Variants in ELFN1 observed in about 807,000 individuals in gnomAD.
The protein encoded by ELFN1 is protein ELFN1.
Under a neutral mutation model 7.6 loss-of-function variants are expected in ELFN1, and 6 were observed. The observed-to-expected ratio is 0.79, with a 90% CI of 0.43 to 1.56. The LOEUF is 1.56. Among genes scored for constraint, ELFN1 ranks in the 40% most tolerant of loss-of-function variants. The probability of loss-of-function intolerance (pLI) is 0.01; values close to 1 mark genes in which losing one functional copy is unlikely to be tolerated. For missense variants in ELFN1, 1,169 were observed against 1,232.2 expected (o/e 0.95, Z 0.77); for synonymous variants, 657 against 588.1 (o/e 1.12, Z -1.70).
intron 3 of ELFN1, among the ~76,000 whole-genome samples, chr7:1,721,775 A>G (rs940375473): frequency 3.9e-5 from 6 of 152,176 alleles, no homozygotes; most frequent in African/African-American, 1.2e-4. Flanking sequence ...TTTGAAGCCA[A>G]TCAGTACCCC....
intron 1 of ELFN1, among the ~76,000 whole-genome samples, chr7:1,671,989 GT>G (rs200010449): frequency 0.022 from 3,323 of 152,302 alleles, 48 homozygotes; most frequent in Non-Finnish European, 0.033. Context: ...AGACCTGGGG[GT>G]CTCCAAGTCA....
At position 1,745,727 on chromosome 7, in the gene ELFN1, C is replaced by T. The variant is rs1431452712; in HGVS notation, c.1131C>T (p.Tyr377=). 1.3e-6 allele frequency: 2 copies of T among 1,551,484 alleles called. No homozygotes were observed. The highest frequency in any genetic ancestry group is 2.4e-5 in the South Asian group (2 of 84,066). Residue 377 remains tyrosine, a synonymous_variant, in exon 4 of 4, where the codon TAC becomes TAT. Transcript: ENST00000424383. ...RLTNLFTLTN[Y]TYCVVSTSAG... is the part of the protein sequence containing the mutation. ...CCAACCTGTTCACGCTCACCAACTA[C>T]ACCTACTGCGTGGTGTCCACCAGCG...
At chr7:1,700,343 C>G (rs959097022) in intron 2 of ELFN1, among the ~76,000 whole-genome samples, 1 of 152,222 alleles carries the variant, frequency 6.6e-6, no homozygotes, top group Non-Finnish European at 1.5e-5. Context: ...GCTTCTGGCG[C>G]TTTCTTTCCC....
intron 2 of ELFN1, among the ~76,000 whole-genome samples, chr7:1,697,104 C>A (rs1009831793): frequency 1.3e-5 from 2 of 152,162 alleles, no homozygotes; most frequent in East Asian, 3.9e-4. Context: ...ATCTGGGCTT[C>A]GCGGCAGGGG....
chr7:1,697,964 GC>G (rs973726748), intron 2 of ELFN1, among the ~76,000 whole-genome samples: 1 of 152,202 alleles, frequency 6.6e-6, no homozygotes, highest in African/African-American at 2.4e-5. Context: ...CCAGGCCTGG[GC>G]TTCCCGCAGA....
chr7:1,669,278 C>A (rs971838151), upstream of ELFN1, among the ~76,000 whole-genome samples: 5 of 150,692 alleles, frequency 3.3e-5, no homozygotes, highest in Non-Finnish European at 7.4e-5. Flanking sequence ...CAGCTGCTGG[C>A]GGCGAGCGGA....
At chr7:1,675,043 C>G (rs534241458) in intron 1 of ELFN1, among the ~76,000 whole-genome samples, 2 of 152,354 alleles carry the variant, frequency 1.3e-5, no homozygotes, top group East Asian at 3.9e-4. Flanking sequence ...CACCTCATAT[C>G]CGGGCTCAGC....
chr7:1,740,812 A>C lies in ELFN1; in HGVS notation c.-293-3492A>C, dbSNP rs1324275668. Reference sequence around the variant, plus strand: ...GTCTGTGCCTCAGTTTCCCCGCTGTAAAGTGAGCTGCAGAATGAAAACTTC... The same window carrying C: ...GTCTGTGCCTCAGTTTCCCCGCTGTCAAGTGAGCTGCAGAATGAAAACTTC... On this transcript the variant is annotated intron_variant, in intron 3 of 3. Transcript: ENST00000424383. This position sits in a 1 kb window ranked among gnomAD's most constrained non-coding sequence, Gnocchi z 5.0. Among the ~76,000 whole-genome samples, 1 of 152,184 alleles carries C rather than the reference A, an allele frequency of 6.6e-6. No homozygotes were observed. The highest frequency in any genetic ancestry group is 1.5e-5 in the Non-Finnish European group (1 of 68,026).
At chr7:1,732,382 C>T (rs930309761) in intron 3 of ELFN1, among the ~76,000 whole-genome samples, 9 of 152,262 alleles carry the variant, frequency 5.9e-5, no homozygotes, top group South Asian at 2.1e-4. Flanking sequence ...TTAAGAAGTG[C>T]GGACTCTCTC....
chr7:1,732,330 TGA>T lies in ELFN1; in HGVS notation c.-293-11969_-293-11968del, dbSNP rs574175057. Among the ~76,000 whole-genome samples, 42 of 152,224 alleles carry T rather than the reference TGA, an allele frequency of 2.8e-4. No homozygotes were observed. The East Asian group carries it at 8.1e-3, about 29-fold the overall frequency. Reference sequence around the variant, plus strand: ...CAGCCTCAAATGGCAAAATGAGAGCTGAGAGACAGCAAGGACCCTCACTGATG... The same window carrying T: ...CAGCCTCAAATGGCAAAATGAGAGCTGAGACAGCAAGGACCCTCACTGATG... On this transcript the variant is annotated intron_variant, in intron 3 of 3. Transcript: ENST00000424383.
chr7:1,741,526 C>T (rs1780613614), intron 3 of ELFN1, among the ~76,000 whole-genome samples: 1 of 152,118 alleles, frequency 6.6e-6, no homozygotes, highest in Non-Finnish European at 1.5e-5. Context: ...TTCCCAGCAC[C>T]ACTCCCAAGG....
At chr7:1,702,162 C>T (rs954504694) in intron 2 of ELFN1, among the ~76,000 whole-genome samples, 34 of 151,864 alleles carry the variant, frequency 2.2e-4, no homozygotes, top group African/African-American at 7.3e-4. Context: ...CAGTGGCTCA[C>T]GCTTGTAATC....
rs1196811330 is a variant in ELFN1, at chr7:1,712,588, T to C, written c.-294+3336T>C. On this transcript the variant is annotated intron_variant, in intron 3 of 3. Coordinates refer to ENST00000424383, the MANE Select transcript of ELFN1 (RefSeq NM_001128636.4). ...CTGGGATTACAGGCACCTGCTGCCATGCCCGGCTAATTTTTGTATTTTCAG... is the reference window on the plus strand; with the variant it reads ...CTGGGATTACAGGCACCTGCTGCCACGCCCGGCTAATTTTTGTATTTTCAG... Among the ~76,000 whole-genome samples, 8 of 151,958 alleles carry C rather than the reference T, an allele frequency of 5.3e-5. No individual in the cohort carries two copies. The South Asian group carries it at 1.7e-3, about 32-fold the overall frequency.
chr7:1,666,642 G>A (rs1170987250), upstream of ELFN1, among the ~76,000 whole-genome samples: 3 of 152,102 alleles, frequency 2.0e-5, no homozygotes, highest in Admixed American at 6.5e-5. The surrounding 1 kb of genome is among the most constrained non-coding windows in gnomAD (Gnocchi z 7.9). Flanking sequence ...AGAAAGAGGG[G>A]GAGGGGGCTG....
chr7:1,702,623 A>C (rs908451772), intron 2 of ELFN1, among the ~76,000 whole-genome samples: 1 of 151,162 alleles, frequency 6.6e-6, no homozygotes, highest in Admixed American at 6.6e-5. Flanking sequence ...ATGTTTCATA[A>C]ATATTCATTT....
chr7:1,668,150 G>A (rs1344171505), upstream of ELFN1, among the ~76,000 whole-genome samples: 1 of 152,270 alleles, frequency 6.6e-6, no homozygotes, highest in Non-Finnish European at 1.5e-5. Context: ...TGACCTCTGA[G>A]GTTCTCCGTG....
chr7:1,726,473 C>T (rs771390885), intron 3 of ELFN1, among the ~76,000 whole-genome samples: 2 of 152,258 alleles, frequency 1.3e-5, no homozygotes, highest in Non-Finnish European at 2.9e-5. Flanking sequence ...AGTCCCTCCC[C>T]AAGGCCAAGC....
chr7:1,747,064 C>T lies in ELFN1; in HGVS notation c.2468C>T (p.Ser823Leu), dbSNP rs1388404927. 6.6e-6 allele frequency: 10 copies of T among 1,512,004 alleles called. No homozygotes were observed. Among genetic ancestry groups the T allele is most frequent in the Non-Finnish European group, 8.9e-6 (10 of 1,123,528 alleles). 93.7% of individuals were successfully genotyped at this position (1,512,004 alleles called of 1,614,324 possible). The change falls in exon 4 of 4, where the codon TCG (serine) becomes TTG (leucine). Residue 823 changes from serine (S) to leucine (L), a missense_variant. Transcript: ENST00000424383. Reference sequence around the variant, plus strand: ...ATCCTGGACTACTGGAAGGGCGTGTCGGCCCAGCACAAGTCCTGAGCCCCC... The same window carrying T: ...ATCCTGGACTACTGGAAGGGCGTGTTGGCCCAGCACAAGTCCTGAGCCCCC... Reference protein sequence around the residue: ...HDILDYWKGVSAQHKS With the variant: ...HDILDYWKGVLAQHKS
chr7:1,692,429 G>C (rs1779187483), intron 2 of ELFN1: 1 of 152,398 alleles, frequency 6.6e-6, no homozygotes, highest in East Asian at 1.9e-4. Context: ...GGGCCGGGAG[G>C]GCCTTGCAAC....
Sources: gnomAD v4.1 joint callset for allele counts (sites outside exome capture counted in the v4.1 genomes callset) on GRCh38, gnomAD v4.1.1 for gene constraint, Gnocchi (gnomAD v3.1) non-coding constraint, MANE v1.5 for transcripts, NCBI Gene and HGNC (gene_info 2026-07-23, HGNC 2026-07-21) for gene names.